TMEM87B: variants seen among roughly 807,000 people sequenced by gnomAD.
TMEM87B encodes transmembrane protein 87B.
In TMEM87B, 83 loss-of-function variants were observed where a neutral mutation model predicts 80.3. That is an observed-to-expected ratio of 1.03 (90% CI 0.87 to 1.24). TMEM87B has a LOEUF of 1.24. TMEM87B is among the 50% of genes most tolerant of loss of function. The pLI is 0.00. For missense variants in TMEM87B, 625 were observed against 674.4 expected (o/e 0.93, Z 0.81); for synonymous variants, 219 against 230.5 (o/e 0.95, Z 0.45).
Position 112,097,303 on chromosome 2 carries a change from C to A in TMEM87B, c.1272+12C>A. Reference sequence around the variant, plus strand: ...CAAAATGCCAATCAGTAAGTATAACCTTCCTATTTAAACAGTTATTTTTAT... The same window carrying A: ...CAAAATGCCAATCAGTAAGTATAACATTCCTATTTAAACAGTTATTTTTAT... On this transcript the variant is annotated intron_variant, in intron 13 of 18. Coordinates refer to ENST00000283206, the MANE Select transcript of TMEM87B (RefSeq NM_032824.3). 1 of 1,580,086 alleles carries A rather than the reference C, an allele frequency of 6.3e-7. No individual in the cohort carries two copies. Among genetic ancestry groups the A allele is most frequent in the Admixed American group, 1.9e-5 (1 of 52,430 alleles).
intron 6 of TMEM87B, among the ~76,000 whole-genome samples, chr2:112,080,533 A>G (rs895160833): frequency 1.5e-4 from 23 of 152,210 alleles, no homozygotes; most frequent in African/African-American, 4.8e-4. Flanking sequence ...TGCTGGGATT[A>G]CAGGGGTGAG....
chr2:112,093,598 A>T (rs141671483), intron 11 of TMEM87B, among the ~76,000 whole-genome samples: 44 of 152,242 alleles, frequency 2.9e-4, no homozygotes, highest in Non-Finnish European at 5.6e-4. Context: ...CTAGTTCAGA[A>T]TCCAAGTTTG....
chr2:112,104,848 A>G (rs1427792760), intron 15 of TMEM87B, among the ~76,000 whole-genome samples: 5 of 152,240 alleles, frequency 3.3e-5, no homozygotes, highest in African/African-American at 1.2e-4. Flanking sequence ...ATAAATTGCC[A>G]TATATCCATA....
intron 17 of TMEM87B, among the ~76,000 whole-genome samples, chr2:112,108,103 T>G (rs771931127): frequency 3.3e-5 from 5 of 152,226 alleles, no homozygotes; most frequent in Non-Finnish European, 7.3e-5. Context: ...TCAGGATCAT[T>G]TCATTTTTTA....
At position 112,100,605 on chromosome 2, in the gene TMEM87B, CCTT is replaced by C. The variant is rs767876910; in HGVS notation, c.1377-16_1377-14del. 1.9e-6 allele frequency: 3 copies of C among 1,562,906 alleles called. No individual in the cohort carries two copies. The highest frequency in any genetic ancestry group is 2.3e-5 in the South Asian group (2 of 87,692). ...GTTTAAACATACTAGTAAAACTACT[CCTT>C]GTTTTTGCTATAGATATGCCTTCAT... On this transcript the variant is annotated splice_polypyrimidine_tract_variant and intron_variant, in intron 14 of 18. Coordinates refer to ENST00000283206, the MANE Select transcript of TMEM87B (RefSeq NM_032824.3).
chr2:112,079,760 T>C (rs1415171995), intron 6 of TMEM87B, among the ~76,000 whole-genome samples: 1 of 152,190 alleles, frequency 6.6e-6, no homozygotes, highest in Non-Finnish European at 1.5e-5. Context: ...TCATCAGCAC[T>C]TACTCTCTTT....
In TMEM87B at chr2:112,119,070, AT is replaced by A. The variant is rs1680094544; in HGVS notation, c.*2928del. Reference sequence around the variant, plus strand: ...CTAGATTTTTAAGGAAGTGTACATTATAATATTGGAGCTCAGTACTGCATGA... The same window carrying A: ...CTAGATTTTTAAGGAAGTGTACATTAAATATTGGAGCTCAGTACTGCATGA... On this transcript the variant is annotated 3_prime_UTR_variant, in exon 19 of 19. Transcript: ENST00000283206. 1 of 152,216 alleles carries A rather than the reference AT, an allele frequency of 6.6e-6. No homozygotes were observed. Among genetic ancestry groups the A allele is most frequent in the Non-Finnish European group, 1.5e-5 (1 of 68,008 alleles). The allele number at this position is 152,216 out of a possible 1,614,324, so 9.4% of individuals were successfully genotyped here. A position where few individuals can be genotyped will look rare whatever the true frequency, so the allele number is the denominator to read the frequency against.
chr2:112,058,836 G>A (rs1678161382), intron 1 of TMEM87B, among the ~76,000 whole-genome samples: 1 of 152,206 alleles, frequency 6.6e-6, no homozygotes, highest in South Asian at 2.1e-4. Flanking sequence ...ATAAATGTTT[G>A]TGAGATAAAG....
At chr2:112,093,748 G>A (rs1386492326) in intron 11 of TMEM87B, among the ~76,000 whole-genome samples, 1 of 152,102 alleles carries the variant, frequency 6.6e-6, no homozygotes, top group Non-Finnish European at 1.5e-5. Context: ...CTGTTCCTCA[G>A]TTCTACATGT....
intron 17 of TMEM87B, 55 bp downstream of exon 17, chr2:112,107,895 G>T: frequency 8.0e-7 from 1 of 1,247,802 alleles, no homozygotes; most frequent in Non-Finnish European, 1.1e-6. Flanking sequence ...AGTTTAAAAG[G>T]GATCGTTCTC....
At chr2:112,113,674 G>A (rs1679980698) in intron 18 of TMEM87B, among the ~76,000 whole-genome samples, 1 of 149,838 alleles carries the variant, frequency 6.7e-6, no homozygotes, top group South Asian at 2.1e-4. Flanking sequence ...ACAGAAAGAT[G>A]TAGCATTACA....
intron 9 of TMEM87B, 136 bp downstream of exon 9, chr2:112,086,240 T>C (rs1679142892): frequency 5.2e-6 from 3 of 573,532 alleles, no homozygotes; most frequent in Non-Finnish European, 8.7e-6. Flanking sequence ...AAGAACACAT[T>C]TTTAAAAGAT....
chr2:112,100,593 A>G (rs1679602259), intron 14 of TMEM87B, 29 bp from the exon 15 acceptor site: 6 of 1,458,314 alleles, frequency 4.1e-6, no homozygotes, highest in Non-Finnish European at 5.7e-6. Context: ...TAAACATACT[A>G]GTAAAACTAC....
intron 11 of TMEM87B, among the ~76,000 whole-genome samples, chr2:112,094,207 G>A (rs1679389655): frequency 6.8e-6 from 1 of 147,944 alleles, no homozygotes; most frequent in Admixed American, 6.8e-5. Flanking sequence ...CTGTCACCAG[G>A]TTGGAGTGCA....
At chr2:112,064,100 T>G in intron 2 of TMEM87B, 62 bp from the exon 3 acceptor site, 1 of 1,410,358 alleles carries the variant, frequency 7.1e-7, no homozygotes, top group Middle Eastern at 2.2e-4. Flanking sequence ...TCTCAAAACC[T>G]TAAGTTTATA....
At chr2:112,108,492 G>T (rs1336177735) in intron 17 of TMEM87B, among the ~76,000 whole-genome samples, 21 of 152,102 alleles carry the variant, frequency 1.4e-4, no homozygotes, top group Admixed American at 1.1e-3. Context: ...ATTTTTGTTT[G>T]TCTGAAAAAG....
In TMEM87B at chr2:112,097,118, A is replaced by G. The variant is rs144717167; in HGVS notation, c.1179A>G (p.Arg393=). ...ACACTGTGAAATTTTCATTATATAG[A>G]CATTTTAAAAATACTCTGATCTTTG... is the stretch of plus-strand genomic sequence containing the variant. ...RKNTVKFSLY[R]HFKNTLIFAV... is the part of the protein sequence containing the mutation. The change falls in exon 12 of 19, where the codon AGA becomes AGG. Residue 393 remains arginine, a synonymous_variant. Transcript: ENST00000283206. 6.0e-5 allele frequency: 96 copies of G among 1,609,520 alleles called. No homozygotes were observed. The highest frequency in any genetic ancestry group is 7.6e-5 in the Non-Finnish European group (89 of 1,178,632).
At chr2:112,075,366 C>G (rs1678777541) in intron 5 of TMEM87B, among the ~76,000 whole-genome samples, 1 of 152,146 alleles carries the variant, frequency 6.6e-6, no homozygotes, top group South Asian at 2.1e-4. Flanking sequence ...CACCACTAAA[C>G]TTCAGCCTGG....
chr2:112,095,371 T>G, intron 11 of TMEM87B: 1 of 984,694 alleles, frequency 1.0e-6, no homozygotes, highest in East Asian at 1.1e-4. Flanking sequence ...CATGACTACT[T>G]TCCTTCCATG....
Sources: allele counts gnomAD v4.1 joint callset (sites outside exome capture counted in the v4.1 genomes callset), GRCh38; gene constraint gnomAD v4.1.1; transcripts MANE v1.5; gene names NCBI Gene and HGNC (gene_info 2026-07-23, HGNC 2026-07-21).